Variants in CERS3 observed in about 807,000 individuals in gnomAD.
CERS3 encodes the protein LAG1 homolog, ceramide synthase 3.
CERS3 carries 33 observed loss-of-function variants against 50.3 expected under a neutral mutation model. The observed-to-expected ratio is 0.66, with a 90% CI of 0.50 to 0.88. CERS3 has a LOEUF of 0.88. Among genes scored for constraint, CERS3 ranks in the 40% least tolerant of loss-of-function variants. CERS3 has a pLI of 0.00. For missense variants in CERS3, 470 were observed against 460.3 expected (o/e 1.02, Z -0.19); for synonymous variants, 176 against 155.2 (o/e 1.13, Z -0.99).
At chr15:100,467,874 G>GATAGATATAGATATAGATATAGAT (rs1555528342) in intron 10 of CERS3, among the ~76,000 whole-genome samples, 1 of 45,936 alleles carries the variant, frequency 2.2e-5, no homozygotes, top group African/African-American at 5.2e-5. Flanking sequence ...TAGATAGATA[G>GATAGATATAGATATAGATATAGAT]ATAGATATAG....
intron 11 of CERS3, among the ~76,000 whole-genome samples, chr15:100,448,615 G>A (rs1464389483): frequency 1.3e-5 from 2 of 152,214 alleles, no homozygotes; most frequent in Admixed American, 1.3e-4. Flanking sequence ...CATTTTGAGA[G>A]CCTAGCCTCC....
At chr15:100,542,990 T>C (rs2037237762) in intron 1 of CERS3, among the ~76,000 whole-genome samples, 1 of 152,184 alleles carries the variant, frequency 6.6e-6, no homozygotes, top group Admixed American at 6.5e-5. Context: ...CTCAGCTCAC[T>C]GCAACCTCCA....
chr15:100,528,550 A>C (rs67611756), intron 1 of CERS3, among the ~76,000 whole-genome samples: 13,925 of 152,132 alleles, frequency 0.092, 764 homozygotes, highest in African/African-American at 0.14. Flanking sequence ...TTGGACTCGA[A>C]ATTTACCCTC....
intron 1 of CERS3, among the ~76,000 whole-genome samples, chr15:100,524,206 AG>A (rs1381840542): frequency 1.4e-4 from 21 of 152,228 alleles, no homozygotes; most frequent in Admixed American, 6.5e-5. Flanking sequence ...GAAATGAAAT[AG>A]AAAACAATAC....
At chr15:100,480,103 GA>G in intron 5 of CERS3, 57 bp from the exon 6 acceptor site, 1 of 1,308,402 alleles carries the variant, frequency 7.6e-7, no homozygotes, top group Admixed American at 1.9e-5. Context: ...GATTTGAGGA[GA>G]AAATGATTAG....
chr15:100,428,511 G>C (rs949012621), intron 11 of CERS3, among the ~76,000 whole-genome samples: 1 of 152,194 alleles, frequency 6.6e-6, no homozygotes. Flanking sequence ...TGCCCATTGT[G>C]GGACGTCTAG....
At chr15:100,486,227 C>T (rs1252439065) in intron 4 of CERS3, among the ~76,000 whole-genome samples, 1 of 152,200 alleles carries the variant, frequency 6.6e-6, no homozygotes, top group Non-Finnish European at 1.5e-5. Flanking sequence ...AAGTCTGTGA[C>T]CAGCCGGATA....
chr15:100,418,124 A>T (rs2032108506), intron 11 of CERS3, among the ~76,000 whole-genome samples: 1 of 151,984 alleles, frequency 6.6e-6, no homozygotes, highest in Non-Finnish European at 1.5e-5. Flanking sequence ...CAGACGATCA[A>T]ATTACTCTGA....
intron 11 of CERS3, among the ~76,000 whole-genome samples, chr15:100,429,951 T>G (rs1567608158): frequency 6.6e-6 from 1 of 150,942 alleles, no homozygotes; most frequent in African/African-American, 2.4e-5. Context: ...TTTTATATAT[T>G]TATATATATA....
intron 11 of CERS3, among the ~76,000 whole-genome samples, chr15:100,452,509 G>T (rs2034209756): frequency 1.3e-5 from 2 of 152,036 alleles, no homozygotes; most frequent in Admixed American, 6.6e-5. Context: ...CAAAAGCAGT[G>T]CTAAGAGGGA....
intron 11 of CERS3, among the ~76,000 whole-genome samples, chr15:100,421,549 C>T (rs2032427612): frequency 6.6e-6 from 1 of 150,536 alleles, no homozygotes; most frequent in Non-Finnish European, 1.5e-5. Flanking sequence ...CATCAAGCTA[C>T]CAATGACTTT....
chr15:100,479,603 A>C (rs1321060418), intron 6 of CERS3, 125 bp from the exon 7 acceptor site: 7 of 684,874 alleles, frequency 1.0e-5, no homozygotes, highest in Non-Finnish European at 1.7e-5. Context: ...ATGCACAGGA[A>C]ATTGACCTTT....
chr15:100,531,119 A>G (rs183824412), upstream of CERS3, among the ~76,000 whole-genome samples: 87 of 152,234 alleles, frequency 5.7e-4, no homozygotes, highest in African/African-American at 2.0e-3. Context: ...AAAAACCAAT[A>G]TTGTAGAACC....
chr15:100,430,894 G>A (rs1159073756), intron 11 of CERS3, among the ~76,000 whole-genome samples: 1 of 152,120 alleles, frequency 6.6e-6, no homozygotes, highest in Non-Finnish European at 1.5e-5. Flanking sequence ...GTGAACTCTG[G>A]CTACGCGTGG....
At chr15:100,403,749 C>A (rs1010750801) in intron 11 of CERS3, among the ~76,000 whole-genome samples, 1 of 152,166 alleles carries the variant, frequency 6.6e-6, no homozygotes, top group Admixed American at 6.5e-5. Context: ...AATTTGTAAT[C>A]AAAAACCTGA....
At chr15:100,490,014 T>C (rs1294589724) in intron 4 of CERS3, among the ~76,000 whole-genome samples, 2 of 152,224 alleles carry the variant, frequency 1.3e-5, no homozygotes, top group African/African-American at 4.8e-5. Context: ...CTATTTATCC[T>C]AGAACTGTGT....
At chr15:100,482,288 G>A (rs970504138) in intron 5 of CERS3, among the ~76,000 whole-genome samples, 3 of 152,122 alleles carry the variant, frequency 2.0e-5, no homozygotes, top group Non-Finnish European at 2.9e-5. Context: ...ATTCAGAAAC[G>A]AATTGGTTGG....
At chr15:100,519,223 C>A (rs1314230223) in intron 2 of CERS3, among the ~76,000 whole-genome samples, 1 of 151,826 alleles carries the variant, frequency 6.6e-6, no homozygotes, top group African/African-American at 2.4e-5. Context: ...CACACGTCCA[C>A]ATTTTGTGGA....
chr15:100,506,457 C>A (rs984309322), intron 2 of CERS3, among the ~76,000 whole-genome samples: 6 of 85,938 alleles, frequency 7.0e-5, no homozygotes, highest in Non-Finnish European at 1.1e-4. Context: ...GTGAAGAAAT[C>A]GGGACCCCCC....
Sources: gnomAD v4.1 joint callset for allele counts (sites outside exome capture counted in the v4.1 genomes callset) on GRCh38, gnomAD v4.1.1 for gene constraint, MANE v1.5 for transcripts, NCBI Gene and HGNC (gene_info 2026-07-23, HGNC 2026-07-21) for gene names.